ATP9A: variants seen among roughly 807,000 people sequenced by gnomAD.
The protein encoded by ATP9A is probable phospholipid-transporting ATPase IIA.
ATP9A carries 52 observed loss-of-function variants against 144.1 expected under a neutral mutation model. The observed-to-expected ratio is 0.36, with a 90% confidence interval of 0.29 to 0.45. The LOEUF is 0.45. ATP9A is among the 20% of genes least tolerant of loss of function. ATP9A has a pLI of 1.00. For missense variants in ATP9A, 947 were observed against 1,392.7 expected (o/e 0.68, Z 5.09); for synonymous variants, 582 against 557.4 (o/e 1.04, Z -0.62).
At chr20:51,701,510 C>T (rs2122834304) in intron 4 of ATP9A, among the ~76,000 whole-genome samples, 1 of 152,324 alleles carries the variant, frequency 6.6e-6, no homozygotes, top group Non-Finnish European at 1.5e-5. Context: ...CTGCCTCTCT[C>T]TGTCCATCTG....
At chr20:51,629,916 A>C (rs949570250) in intron 15 of ATP9A, among the ~76,000 whole-genome samples, 2 of 152,240 alleles carry the variant, frequency 1.3e-5, no homozygotes, top group African/African-American at 4.8e-5. Flanking sequence ...CCTCAGTGGT[A>C]TAACTGCTGC....
At chr20:51,740,693 C>T (rs1006275906) in intron 1 of ATP9A, among the ~76,000 whole-genome samples, 13 of 149,920 alleles carry the variant, frequency 8.7e-5, no homozygotes, top group African/African-American at 3.2e-4. Context: ...CTCAGCCTCC[C>T]ACGTGGCTGG....
chr20:51,648,318 T>G (rs2122758752), intron 14 of ATP9A, among the ~76,000 whole-genome samples: 1 of 152,314 alleles, frequency 6.6e-6, no homozygotes, highest in East Asian at 1.9e-4. Context: ...CAGCAGGTTT[T>G]ACACTCACGT....
intron 1 of ATP9A, among the ~76,000 whole-genome samples, chr20:51,767,459 C>G (rs111668369): frequency 1.5e-3 from 227 of 151,752 alleles, no homozygotes; most frequent in African/African-American, 5.4e-3. Context: ...ACGAGAGCCC[C>G]GCAAACCTCA....
At position 51,702,291 on chromosome 20, in the gene ATP9A, CAAAA is replaced by C. The variant is rs568902724; in HGVS notation, c.437-4813_437-4810del. ...CGGGTGACAGTGCAAGACTCTGTCTCAAAAAAAAAAAAAAAAAAATTAAATATCT... is the reference window on the plus strand; with the variant it reads ...CGGGTGACAGTGCAAGACTCTGTCTCAAAAAAAAAAAAAAATTAAATATCT... On this transcript the variant is annotated intron_variant, in intron 4 of 27. Transcript: ENST00000338821. Among the ~76,000 whole-genome samples, 235 of 101,282 alleles carry C rather than the reference CAAAA, an allele frequency of 2.3e-3. 2 individuals carry two copies. Among genetic ancestry groups the C allele is most frequent in the African/African-American group, 6.4e-3 (187 of 29,134 alleles). 66.4% of individuals were successfully genotyped at this position (101,282 alleles called of 152,430 possible).
chr20:51,694,385 C>T (rs975584744), intron 6 of ATP9A, among the ~76,000 whole-genome samples: 3 of 152,126 alleles, frequency 2.0e-5, no homozygotes, highest in Non-Finnish European at 2.9e-5. Flanking sequence ...ACGCAGACTT[C>T]GCAAGCTTGC....
At chr20:51,612,610 A>G (rs2077188949) in intron 23 of ATP9A, among the ~76,000 whole-genome samples, 1 of 152,110 alleles carries the variant, frequency 6.6e-6, no homozygotes, top group Non-Finnish European at 1.5e-5. Context: ...TTTTTAGTAG[A>G]GACAGGATTT....
chr20:51,667,227 T>C (rs1444929265), intron 13 of ATP9A, among the ~76,000 whole-genome samples: 1 of 152,184 alleles, frequency 6.6e-6, no homozygotes, highest in Admixed American at 6.5e-5. Flanking sequence ...AAATGAACCA[T>C]AAAAGCTAAA....
At chr20:51,712,388 T>G (rs1030652591) in intron 4 of ATP9A, among the ~76,000 whole-genome samples, 1 of 152,178 alleles carries the variant, frequency 6.6e-6, no homozygotes, top group African/African-American at 2.4e-5. Flanking sequence ...TTTCAATTTT[T>G]TGTTTTTGAG....
chr20:51,622,731 A>T (rs1459503534), intron 18 of ATP9A, among the ~76,000 whole-genome samples: 2 of 152,250 alleles, frequency 1.3e-5, no homozygotes, highest in East Asian at 1.9e-4. Flanking sequence ...GACTTGCCCC[A>T]AACCACACAG....
intron 14 of ATP9A, among the ~76,000 whole-genome samples, 195 bp downstream of exon 14, chr20:51,656,743 T>C (rs910054425): frequency 2.6e-5 from 4 of 152,174 alleles, no homozygotes; most frequent in Admixed American, 6.5e-5. Context: ...ATTCAGACTA[T>C]ACCTCAAGTC....
chr20:51,762,412 C>T (rs1291731289), intron 1 of ATP9A, among the ~76,000 whole-genome samples: 2 of 151,766 alleles, frequency 1.3e-5, no homozygotes, highest in African/African-American at 2.4e-5. Flanking sequence ...AGGAGAACTG[C>T]TTGAACCGGG....
intron 4 of ATP9A, among the ~76,000 whole-genome samples, chr20:51,700,661 T>C (rs185949079): frequency 1.3e-5 from 2 of 152,192 alleles, no homozygotes; most frequent in East Asian, 3.9e-4. Context: ...AGAAACTCCA[T>C]CTCTACTAAA....
In ATP9A at chr20:51,657,486, G is replaced by A. The variant is rs115984478; in HGVS notation, c.1294-336C>T. 5.5e-3 allele frequency among the ~76,000 whole-genome samples: 844 copies of A among 152,180 alleles called. 8 individuals carry two copies. The highest frequency in any genetic ancestry group is 0.019 in the African/African-American group (792 of 41,512). On this transcript the variant is annotated intron_variant, in intron 13 of 27. Transcript: ENST00000338821. Reference sequence around the variant, plus strand: ...ACCCCACTGCACTGAAAGGGATCCCGGTAGTTCAGAGCAGGGCTTCCCCAC... The same window carrying A: ...ACCCCACTGCACTGAAAGGGATCCCAGTAGTTCAGAGCAGGGCTTCCCCAC...
At chr20:51,759,941 T>C (rs2077871959) in intron 1 of ATP9A, among the ~76,000 whole-genome samples, 1 of 151,948 alleles carries the variant, frequency 6.6e-6, no homozygotes, top group African/African-American at 2.4e-5. Flanking sequence ...AAATGGTGAG[T>C]TGCTCCTCCC....
intron 13 of ATP9A, among the ~76,000 whole-genome samples, chr20:51,666,604 C>T (rs1474923786): frequency 2.0e-5 from 3 of 150,842 alleles, no homozygotes; most frequent in Admixed American, 1.3e-4. Context: ...TGCTTGAACC[C>T]GGGAGGTGGA....
intron 11 of ATP9A, 84 bp from the exon 12 acceptor site, chr20:51,671,341 A>G: frequency 2.0e-6 from 3 of 1,495,496 alleles, no homozygotes; most frequent in Non-Finnish European, 2.8e-6. Context: ...CTCTAAACAC[A>G]TGTGCCATCG....
chr20:51,656,181 G>A (rs1259004700), intron 14 of ATP9A, among the ~76,000 whole-genome samples: 4 of 151,072 alleles, frequency 2.6e-5, no homozygotes, highest in Non-Finnish European at 4.4e-5. Flanking sequence ...TTCCTTTGGG[G>A]TGATAAAAAT....
Position 51,619,031 on chromosome 20 carries a change from C to T in ATP9A, c.2128G>A (p.Gly710Arg), listed in dbSNP as rs777994915. ...IHVFRLVTNR[G>R]EAHLELNAFR... ...GCGTTCAGCTCGAGGTGAGCCTCCC[C>T]GCGGTTGGTCACCTGGAAGGGAACA... The change falls in exon 20 of 28, where the codon GGG becomes AGG. Residue 710 changes from glycine to arginine, a missense_variant. Physicochemically the swap from Gly to Arg is moderately radical, Grantham distance 125. Coordinates refer to ENST00000338821, the MANE Select transcript of ATP9A (RefSeq NM_006045.3). 14 of 1,613,930 alleles carry T rather than the reference C, an allele frequency of 8.7e-6. No individual in the cohort carries two copies. The highest frequency in any genetic ancestry group is 1.1e-5 in the Non-Finnish European group (13 of 1,179,978).
Sources: allele counts gnomAD v4.1 joint callset (sites outside exome capture counted in the v4.1 genomes callset), GRCh38; gene constraint gnomAD v4.1.1; transcripts MANE v1.5; gene names NCBI Gene and HGNC (gene_info 2026-07-23, HGNC 2026-07-21).